The following TTC39B variants were observed in gnomAD, a reference collection of about 807,000 sequenced individuals.
The protein encoded by TTC39B is tetratricopeptide repeat domain 39B, also known as tetratricopeptide repeat protein 39B.
Under a neutral mutation model 96.6 loss-of-function variants are expected in TTC39B, and 92 were observed. That is an observed-to-expected ratio of 0.95 (90% CI 0.80 to 1.13). The LOEUF (loss-of-function observed/expected upper bound fraction) is 1.13, where lower values mean the gene tolerates loss of function less well. Ranked by LOEUF, TTC39B falls within the 50% of genes most tolerant of loss-of-function variation. The pLI is 0.00. For synonymous variants in TTC39B, 367 were observed against 299.4 expected, an observed-to-expected ratio of 1.23 and a Z score of -2.33; for missense variants, 955 against 809.3, an observed-to-expected ratio of 1.18 and a Z score of -2.18.
chr9:15,218,632 T>TAAAAAAAAAAAATATATATATATA (rs545882970), intron 3 of TTC39B, among the ~76,000 whole-genome samples: 8 of 105,152 alleles, frequency 7.6e-5, no homozygotes, highest in African/African-American at 2.8e-4. Context: ...TTAGTCTATT[T>TAAAAAAAAAAAATATATATATATA]TAAATATATA....
At chr9:15,266,807 C>G (rs1391073901) in intron 2 of TTC39B, among the ~76,000 whole-genome samples, 1 of 152,120 alleles carries the variant, frequency 6.6e-6, no homozygotes, top group Non-Finnish European at 1.5e-5. Context: ...AGGCAGGGCG[C>G]AGTGGCTCAC....
intron 3 of TTC39B, among the ~76,000 whole-genome samples, chr9:15,223,454 C>T (rs567929661): frequency 1.7e-4 from 26 of 152,336 alleles, no homozygotes; most frequent in Admixed American, 1.6e-3. Context: ...CCCAAACTCT[C>T]TCCTTGGCTG....
At chr9:15,290,583 G>A (rs559552739) in intron 1 of TTC39B, among the ~76,000 whole-genome samples, 70 of 152,304 alleles carry the variant, frequency 4.6e-4, no homozygotes, top group South Asian at 6.2e-4. Context: ...ACAAATGCAC[G>A]TTTGACGTCT....
At chr9:15,226,969 G>T (rs181704712) in intron 2 of TTC39B, among the ~76,000 whole-genome samples, 73 of 151,108 alleles carry the variant, frequency 4.8e-4, no homozygotes, top group African/African-American at 1.6e-3. Flanking sequence ...GAAGTTTTGC[G>T]TGTTTTTTTG....
At chr9:15,286,107 G>T (rs1823966925) in intron 1 of TTC39B, among the ~76,000 whole-genome samples, 1 of 152,088 alleles carries the variant, frequency 6.6e-6, no homozygotes, top group Admixed American at 6.5e-5. Flanking sequence ...CCTCTTACAT[G>T]GCCACAGTGG....
intron 2 of TTC39B, among the ~76,000 whole-genome samples, chr9:15,228,351 C>G (rs1408345130): frequency 6.6e-6 from 1 of 152,130 alleles, no homozygotes; most frequent in Non-Finnish European, 1.5e-5. Context: ...GTAATCCGAG[C>G]TACTCAGGAG....
chr9:15,194,177 C>G (rs189270761), intron 8 of TTC39B, among the ~76,000 whole-genome samples: 108 of 152,046 alleles, frequency 7.1e-4, no homozygotes, highest in African/African-American at 2.5e-3. Flanking sequence ...TAATAATTTT[C>G]AAATTATTTC....
chr9:15,184,420 T>TAA lies in TTC39B; in HGVS notation c.1614+858_1614+859dup, dbSNP rs35811990. ...GGAATGATGAAATAAACTCTGAATTTAAAAAAAAAAAAAAAACTCAGGAAA... is the reference window on the plus strand; with the variant it reads ...GGAATGATGAAATAAACTCTGAATTTAAAAAAAAAAAAAAAAAACTCAGGAAA... On this transcript the variant is annotated intron_variant, in intron 16 of 19. Transcript: ENST00000512701. Among the ~76,000 whole-genome samples, 503 of 143,166 alleles carry TAA rather than the reference T, an allele frequency of 3.5e-3. 2 individuals carry two copies. Among genetic ancestry groups the TAA allele is most frequent in the African/African-American group, 8.2e-3 (321 of 39,034 alleles). The allele number at this position is 143,166 out of a possible 152,430, so 93.9% of individuals were successfully genotyped here. A position where few individuals can be genotyped will look rare whatever the true frequency, so the allele number is the denominator to read the frequency against.
intron 2 of TTC39B, among the ~76,000 whole-genome samples, chr9:15,234,061 G>C (rs1270504215): frequency 1.3e-5 from 2 of 149,926 alleles, no homozygotes; most frequent in African/African-American, 2.5e-5. Flanking sequence ...TCTGGGATGT[G>C]AGGAGCGCCT....
At chr9:15,188,352 G>T (rs748696907) in intron 13 of TTC39B, among the ~76,000 whole-genome samples, 1 of 152,146 alleles carries the variant, frequency 6.6e-6, no homozygotes, top group Non-Finnish European at 1.5e-5. Flanking sequence ...TGTAATGTGG[G>T]AGTGGGGAGG....
intron 14 of TTC39B, 73 bp from the exon 15 acceptor site, chr9:15,187,108 G>T: frequency 1.9e-6 from 2 of 1,063,180 alleles, no homozygotes; most frequent in South Asian, 1.8e-5. Flanking sequence ...AATCAGGAAT[G>T]ACCAACAAGT....
chr9:15,221,548 G>C (rs1820842280), intron 3 of TTC39B, among the ~76,000 whole-genome samples: 1 of 152,122 alleles, frequency 6.6e-6, no homozygotes, highest in Admixed American at 6.5e-5. Flanking sequence ...GTGCTGGAAT[G>C]AGCCAGGAGC....
chr9:15,241,451 T>C (rs888195052), intron 2 of TTC39B, among the ~76,000 whole-genome samples: 1 of 152,066 alleles, frequency 6.6e-6, no homozygotes, highest in Non-Finnish European at 1.5e-5. Context: ...ATTCCAGGCA[T>C]GGTATCAGAT....
At chr9:15,177,373 T>C (rs917796337) in intron 18 of TTC39B, among the ~76,000 whole-genome samples, 3 of 152,006 alleles carry the variant, frequency 2.0e-5, no homozygotes, top group Non-Finnish European at 4.4e-5. Flanking sequence ...TAAAGAAATA[T>C]GTAAAAAACA....
rs2131622485 is a variant in TTC39B, at chr9:15,301,834, G to T, written c.240+5250C>A. Among the ~76,000 whole-genome samples, 2 of 151,932 alleles carry T rather than the reference G, an allele frequency of 1.3e-5. 1 individual carries two copies. The highest frequency in any genetic ancestry group is 6.8e-3 in the Middle Eastern group (2 of 292). ...AAAACTTCATCTAAACTTCCAAAGAGAAATTAGCCAAATCAGAATTAGATC... is the reference window on the plus strand; with the variant it reads ...AAAACTTCATCTAAACTTCCAAAGATAAATTAGCCAAATCAGAATTAGATC... On this transcript the variant is annotated intron_variant, in intron 1 of 19. Transcript: ENST00000512701.
rs190289577 is a variant in TTC39B, at chr9:15,226,742, G to A, written c.276-730C>T. On this transcript the variant is annotated intron_variant, in intron 2 of 19. Transcript: ENST00000512701. ...GACCAATTTGCCTTGCAGAATCTTCGGCCAGTTTGTTGACCCACAGATATC... is the reference window on the plus strand; with the variant it reads ...GACCAATTTGCCTTGCAGAATCTTCAGCCAGTTTGTTGACCCACAGATATC... Among the ~76,000 whole-genome samples the A allele has an allele frequency of 2.3e-3, 343 of 152,090 alleles. 2 individuals are homozygous for A. The highest frequency in any genetic ancestry group is 7.9e-3 in the African/African-American group (328 of 41,482).
chr9:15,264,992 C>G (rs1823078843), intron 2 of TTC39B, among the ~76,000 whole-genome samples: 1 of 151,652 alleles, frequency 6.6e-6, no homozygotes, highest in Admixed American at 6.6e-5. Flanking sequence ...ATGGAAAGCC[C>G]CCAAACAGTG....
At chr9:15,202,134 A>T (rs1819577043) in intron 7 of TTC39B, among the ~76,000 whole-genome samples, 1 of 152,174 alleles carries the variant, frequency 6.6e-6, no homozygotes, top group Non-Finnish European at 1.5e-5. Flanking sequence ...AGAGGGGACA[A>T]ACATGGATAT....
In TTC39B at chr9:15,281,625, C is replaced by CAAAAAAAAA. The variant is rs1161175672; in HGVS notation, c.241-13686_241-13678dup. Among the ~76,000 whole-genome samples, 199 of 48,960 alleles carry CAAAAAAAAA rather than the reference C, an allele frequency of 4.1e-3. 5 individuals carry two copies. Among genetic ancestry groups the CAAAAAAAAA allele is most frequent in the African/African-American group, 0.017 (183 of 10,476 alleles). 32.1% of individuals were successfully genotyped at this position (48,960 alleles called of 152,430 possible). ...CCTACCAACATCCCCCCTGCAACAGCAAAAAAAAAAAAAAAAAAAAAAAAA... is the reference window on the plus strand; with the variant it reads ...CCTACCAACATCCCCCCTGCAACAGCAAAAAAAAAAAAAAAAAAAAAAAAAAAAAAAAAA... On this transcript the variant is annotated intron_variant, in intron 1 of 19. Coordinates refer to ENST00000512701, the Ensembl canonical transcript of TTC39B.
Sources: allele counts gnomAD v4.1 joint callset (sites outside exome capture counted in the v4.1 genomes callset), GRCh38; gene constraint gnomAD v4.1.1; transcripts MANE v1.5; gene names NCBI Gene and HGNC (gene_info 2026-07-23, HGNC 2026-07-21).